The following FHIP1A variants were observed in gnomAD, a reference collection of about 807,000 sequenced individuals.
The protein encoded by FHIP1A is FHF complex subunit HOOK-interacting protein 1A.
A neutral mutation model predicts 88.6 loss-of-function variants in FHIP1A; 61 were observed. That is an observed-to-expected ratio of 0.69 (90% CI 0.56 to 0.85). The LOEUF is 0.85. Ranked by LOEUF, FHIP1A falls within the 40% of genes least tolerant of loss-of-function variation. The pLI, the probability that FHIP1A is intolerant of heterozygous loss-of-function variation, is 0.00. For synonymous variants in FHIP1A, 478 were observed against 496.0 expected (o/e 0.96, Z 0.48); for missense variants, 1,154 against 1,273.5 (o/e 0.91, Z 1.43).
intron 1 of FHIP1A, among the ~76,000 whole-genome samples, chr4:151,445,651 T>C (rs1403951599): frequency 4.0e-5 from 6 of 151,734 alleles, no homozygotes; most frequent in Non-Finnish European, 8.8e-5. Context: ...TTAAGGGCTT[T>C]AGGAACCCTG....
Position 151,446,581 on chromosome 4 carries a change from CTTTTTTT to C in FHIP1A, c.-355-8107_-355-8101del, listed in dbSNP as rs35115788. 1.1e-3 allele frequency among the ~76,000 whole-genome samples: 125 copies of C among 109,984 alleles called. 1 individual carries two copies. Among genetic ancestry groups the C allele is most frequent in the African/African-American group, 3.4e-3 (101 of 29,362 alleles). 72.2% of individuals were successfully genotyped at this position (109,984 alleles called of 152,430 possible). ...TAAATATGAATGTGTTGTTCTTTTT[CTTTTTTT>C]TTTTTTTTTTTTGGTTGTGGTTTAA... On this transcript the variant is annotated intron_variant, in intron 1 of 13. Transcript: ENST00000435205.
chr4:151,452,830 G>A (rs1025861653), intron 1 of FHIP1A, among the ~76,000 whole-genome samples: 3 of 151,396 alleles, frequency 2.0e-5, no homozygotes, highest in Non-Finnish European at 4.4e-5. Flanking sequence ...TATAGAGAAA[G>A]TATATATTAA....
chr4:151,656,479 T>A lies in FHIP1A; in HGVS notation c.2730+69T>A. On this transcript the variant is annotated intron_variant, in intron 12 of 13. Coordinates refer to ENST00000435205, the MANE Select transcript of FHIP1A (RefSeq NM_001109977.3). This position sits in a 1 kb window ranked among gnomAD's most constrained non-coding sequence, Gnocchi z 4.2. The stretch of plus-strand genomic sequence containing the variant: ...TGCTAATTTGCAGGGCATCTATTTC[T>A]CTTTATTTTGTTTTTCAAAAATTCC... 2 of 1,456,386 alleles carry A rather than the reference T, an allele frequency of 1.4e-6. No individual in the cohort carries two copies. The highest frequency in any genetic ancestry group is 2.6e-5 in the South Asian group (2 of 78,298). 90.2% of individuals were successfully genotyped at this position (1,456,386 alleles called of 1,614,324 possible).
chr4:151,471,678 C>A (rs1729517560), intron 2 of FHIP1A, among the ~76,000 whole-genome samples: 1 of 151,794 alleles, frequency 6.6e-6, no homozygotes, highest in Non-Finnish European at 1.5e-5. Flanking sequence ...TGAGTAAGTT[C>A]TTTAGTGGTG....
At chr4:151,611,727 C>G (rs1735331580) in intron 7 of FHIP1A, among the ~76,000 whole-genome samples, 1 of 152,136 alleles carries the variant, frequency 6.6e-6, no homozygotes, top group Admixed American at 6.5e-5. Context: ...CATGGAGGAG[C>G]AAAGGTGAGG....
intron 4 of FHIP1A, among the ~76,000 whole-genome samples, chr4:151,567,266 GT>G (rs1733423350): frequency 6.6e-6 from 1 of 152,086 alleles, no homozygotes; most frequent in Non-Finnish European, 1.5e-5. Context: ...TTATGTGACA[GT>G]TTTTTAATGA....
At chr4:151,447,019 A>G (rs1003971390) in intron 1 of FHIP1A, among the ~76,000 whole-genome samples, 6 of 152,154 alleles carry the variant, frequency 3.9e-5, no homozygotes, top group Admixed American at 3.9e-4. Context: ...TTAATTAGTA[A>G]CCATTCTTTT....
chr4:151,617,621 C>A (rs1735591152), intron 7 of FHIP1A, among the ~76,000 whole-genome samples: 1 of 152,144 alleles, frequency 6.6e-6, no homozygotes, highest in Admixed American at 6.6e-5. Context: ...CGCGGTGGCT[C>A]ATGCCTGTAA....
At position 151,629,740 on chromosome 4, in the gene FHIP1A, G is replaced by A. The variant is rs1306125840; in HGVS notation, c.1017G>A (p.Leu339=). The A allele has an allele frequency of 6.4e-7, 1 of 1,551,322 alleles. No individual in the cohort carries two copies. ...VEEVMTTTAY[L]DLFLRSISEP... Reference sequence around the variant, plus strand: ...AGGTCATGACCACAACTGCATATCTGGACCTTTTCCTGCGTAGCATCTCCG... The same window carrying A: ...AGGTCATGACCACAACTGCATATCTAGACCTTTTCCTGCGTAGCATCTCCG... The change falls in exon 8 of 14, where the codon CTG becomes CTA. Residue 339 remains leucine (L), a synonymous_variant. Coordinates refer to ENST00000435205, the MANE Select transcript of FHIP1A (RefSeq NM_001109977.3).
At chr4:151,513,370 G>A (rs1477370396) in intron 3 of FHIP1A, among the ~76,000 whole-genome samples, 7 of 152,118 alleles carry the variant, frequency 4.6e-5, no homozygotes, top group Admixed American at 2.6e-4. Context: ...AAAGACCATC[G>A]AGGCTAGGAA....
intron 3 of FHIP1A, among the ~76,000 whole-genome samples, chr4:151,511,906 C>T (rs1297653555): frequency 6.6e-6 from 1 of 152,246 alleles, no homozygotes; most frequent in African/African-American, 2.4e-5. Flanking sequence ...GCTTAAATGT[C>T]CTTGTCTGAC....
rs1289227111 is a variant in FHIP1A, at chr4:151,650,546, C to T, written c.2505C>T (p.Ala835=). 6.4e-7 allele frequency: 1 copy of T among 1,551,258 alleles called. No individual in the cohort carries two copies. Among genetic ancestry groups the T allele is most frequent in the Admixed American group, 2.0e-5 (1 of 50,984 alleles). Residue 835 remains alanine (A), a synonymous_variant, in exon 11 of 14, where the codon GCC becomes GCT. Transcript: ENST00000435205. ...CATTTGTGGGGAGAGATGAGGCTGC[C>T]TTTGCCAGTCGCCATCCCGTGAGGA... is the stretch of plus-strand genomic sequence containing the variant. ...PSPFVGRDEA[A]FASRHPVRTQ...
At chr4:151,459,717 T>C (rs1729084068) in intron 2 of FHIP1A, among the ~76,000 whole-genome samples, 1 of 152,232 alleles carries the variant, frequency 6.6e-6, no homozygotes, top group Non-Finnish European at 1.5e-5. Flanking sequence ...AAGGTAGTAC[T>C]GCATTAATCT....
In FHIP1A at chr4:151,662,553, A is replaced by G. The variant is rs1737501809; in HGVS notation, c.2922A>G (p.Gly974=). The G allele has an allele frequency of 6.5e-7, 1 of 1,550,362 alleles. No individual in the cohort carries two copies. The highest frequency in any genetic ancestry group is 8.7e-7 in the Non-Finnish European group (1 of 1,146,260). Residue 974 remains glycine, a synonymous_variant, in exon 14 of 14, where the codon GGA becomes GGG. Coordinates refer to ENST00000435205, the MANE Select transcript of FHIP1A (RefSeq NM_001109977.3). ...GAAGTGGCAAGAACCTTTTGGATGG[A>G]CCTCCAAGAGTGCTTCAGCCCTTCC... ...RTGSGKNLLD[G]PPRVLQPFLT... is the part of the protein sequence containing the mutation.
rs940244587 is a variant in FHIP1A at position 151,454,793 on chromosome 4, C to T, written c.-263C>T. ...TCGTTATAACTGCCTGGAAGGTTAG[C>T]GTCAAAGAAGTTGAGGTAGGAATAT... is the stretch of plus-strand genomic sequence containing the variant. On this transcript the variant is annotated 5_prime_UTR_variant, in exon 2 of 14. Coordinates refer to ENST00000435205, the MANE Select transcript of FHIP1A (RefSeq NM_001109977.3). 5.9e-5 allele frequency: 9 copies of T among 151,758 alleles called. No homozygotes were observed. The highest frequency in any genetic ancestry group is 1.7e-4 in the African/African-American group (7 of 41,296). 9.4% of individuals were successfully genotyped at this position (151,758 alleles called of 1,614,324 possible).
chr4:151,588,859 G>A lies in FHIP1A; in HGVS notation c.911G>A (p.Arg304Gln), dbSNP rs112244723. ...TCTCAGGTGGCTCACCCCTTGATTC[G>A]AAATCAGCTTGTCAATTACATTTAC... The part of the protein sequence containing the change: ...AVIQVAHPLI[R>Q]NQLVNYIYNG... The change falls in exon 7 of 14, where the codon CGA becomes CAA. Residue 304 changes from arginine (R) to glutamine (Q), a missense_variant. Coordinates refer to ENST00000435205, the MANE Select transcript of FHIP1A (RefSeq NM_001109977.3). The A allele has an allele frequency of 6.4e-6, 10 of 1,550,980 alleles. No homozygotes were observed. Among genetic ancestry groups the A allele is most frequent in the African/African-American group, 4.1e-5 (3 of 72,966 alleles).
chr4:151,411,785 G>T (rs565661057), intron 1 of FHIP1A, among the ~76,000 whole-genome samples: 2 of 152,136 alleles, frequency 1.3e-5, no homozygotes, highest in African/African-American at 4.8e-5. Flanking sequence ...AGGGTGATAC[G>T]TAGGCCCAGT....
chr4:151,603,877 A>T (rs1044524767), intron 7 of FHIP1A, among the ~76,000 whole-genome samples: 1 of 152,078 alleles, frequency 6.6e-6, no homozygotes. Flanking sequence ...ATCTCCACAT[A>T]TCTTGACCAG....
intron 7 of FHIP1A, among the ~76,000 whole-genome samples, chr4:151,593,592 G>A (rs183682160): frequency 5.3e-5 from 8 of 152,214 alleles, no homozygotes; most frequent in South Asian, 2.1e-4. Flanking sequence ...AGGAATGCTC[G>A]TGATTTTGCA....
Sources: allele counts gnomAD v4.1 joint callset (sites outside exome capture counted in the v4.1 genomes callset), GRCh38; gene constraint gnomAD v4.1.1; non-coding constraint Gnocchi (gnomAD v3.1); transcripts MANE v1.5; gene names NCBI Gene and HGNC (gene_info 2026-07-23, HGNC 2026-07-21).